Variants in TBC1D21 observed in about 807,000 individuals in gnomAD.
The protein encoded by TBC1D21 is male germ cell Rab GTPase-activating protein.
Under a neutral mutation model 46.0 loss-of-function variants are expected in TBC1D21, and 38 were observed. That is an observed-to-expected ratio of 0.83 (90% CI 0.64 to 1.08). The LOEUF (loss-of-function observed/expected upper bound fraction) is 1.08, where lower values mean the gene tolerates loss of function less well. Among genes scored for constraint, TBC1D21 ranks in the 50% least tolerant of loss-of-function variants. TBC1D21 has a pLI of 0.00. For missense variants in TBC1D21, 415 were observed against 417.9 expected (o/e 0.99, Z 0.06); for synonymous variants, 151 against 157.2 (o/e 0.96, Z 0.29).
downstream of TBC1D21, among the ~76,000 whole-genome samples, chr15:73,891,539 G>C (rs1056200098): frequency 1.3e-5 from 2 of 152,280 alleles, no homozygotes; most frequent in East Asian, 3.9e-4. Flanking sequence ...CACCCTCCCT[G>C]GCACAGCTGC....
chr15:73,884,901 A>T lies in TBC1D21; in HGVS notation c.478+10A>T. 2 of 1,613,358 alleles carry T rather than the reference A, an allele frequency of 1.2e-6. No individual in the cohort carries two copies. The highest frequency in any genetic ancestry group is 1.7e-5 in the Admixed American group (1 of 59,994). ...TGCAACACGCAGGCAGGTGAGCCTCAGCCTCCCCTTGTCAATGCCCTCCCA... is the reference window on the plus strand; with the variant it reads ...TGCAACACGCAGGCAGGTGAGCCTCTGCCTCCCCTTGTCAATGCCCTCCCA... On this transcript the variant is annotated intron_variant, in intron 5 of 10. Transcript: ENST00000300504.
At chr15:73,907,157 TC>T in the TBC1D21 span, among the ~76,000 whole-genome samples, 1 of 151,550 alleles carries the variant, frequency 6.6e-6, no homozygotes, top group Non-Finnish European at 1.5e-5. Flanking sequence ...CCTCTTTTTT[TC>T]CCCCAGTCTG....
the TBC1D21 span, among the ~76,000 whole-genome samples, chr15:73,905,085 G>A: frequency 3.3e-5 from 5 of 152,202 alleles, no homozygotes; most frequent in East Asian, 1.9e-4. Context: ...TGGGGCCCAC[G>A]GTGCATGAGG....
chr15:73,903,152 G>GA, the TBC1D21 span, among the ~76,000 whole-genome samples: 2 of 152,174 alleles, frequency 1.3e-5, no homozygotes, highest in Non-Finnish European at 2.9e-5. Flanking sequence ...CTGCCCTCCT[G>GA]AAAATCACAA....
the TBC1D21 span, among the ~76,000 whole-genome samples, chr15:73,903,996 TGA>T: frequency 6.6e-6 from 1 of 152,144 alleles, no homozygotes; most frequent in Non-Finnish European, 1.5e-5. Context: ...TGCAGTGAGC[TGA>T]GATCACGCCA....
At position 73,881,696 on chromosome 15, in the gene TBC1D21, TCTC is replaced by T; in HGVS notation, c.222_224del (p.Phe74_Ser75delinsLeu). The T allele has an allele frequency of 1.2e-6, 2 of 1,613,578 alleles. No homozygotes were observed. The highest frequency in any genetic ancestry group is 1.7e-6 in the Non-Finnish European group (2 of 1,179,842). ...GCCTGGAAATTCCTCACGGGCTACTTCTCATGGCAGAGTTCCCAGGATGAGCGG... is the reference window on the plus strand; with the variant it reads ...GCCTGGAAATTCCTCACGGGCTACTTATGGCAGAGTTCCCAGGATGAGCGG... On this transcript the variant is annotated inframe_deletion, in exon 3 of 11. Coordinates refer to ENST00000300504, the MANE Select transcript of TBC1D21 (RefSeq NM_153356.3).
chr15:73,876,397 T>G (rs1325048951), intron 1 of TBC1D21, among the ~76,000 whole-genome samples: 3 of 82,946 alleles, frequency 3.6e-5, no homozygotes, highest in Non-Finnish European at 8.9e-5. Context: ...CCGGGTAATT[T>G]TTGTTTTTTT....
In TBC1D21 at chr15:73,884,978, CTCCCCA is replaced by C; in HGVS notation, c.479-24_479-19del. On this transcript the variant is annotated intron_variant, in intron 5 of 10. Coordinates refer to ENST00000300504, the MANE Select transcript of TBC1D21 (RefSeq NM_153356.3). ...TCCAGGCTCTCCCACCCAGCCCCTC[CTCCCCA>C]ACCCCCTCTTCGCCACAGAGTACCA... 8 of 1,597,070 alleles carry C rather than the reference CTCCCCA, an allele frequency of 5.0e-6. No individual in the cohort carries two copies. The highest frequency in any genetic ancestry group is 1.3e-5 in the African/African-American group (1 of 74,652).
chr15:73,895,105 A>G, the TBC1D21 span, among the ~76,000 whole-genome samples: 4 of 152,266 alleles, frequency 2.6e-5, no homozygotes, highest in Non-Finnish European at 5.9e-5. Flanking sequence ...AAACCAGCAT[A>G]TCTAGGGGTG....
At position 73,889,197 on chromosome 15, in the gene TBC1D21, A is replaced by G. The variant is rs13638; in HGVS notation, c.*96A>G. 196,377 of 1,342,006 alleles carry G rather than the reference A, an allele frequency of 0.15. 15,658 individuals are homozygous for G. The highest frequency in any genetic ancestry group is 0.2 in the South Asian group (16,496 of 80,654). 83.1% of individuals were successfully genotyped at this position (1,342,006 alleles called of 1,614,324 possible). A position where few individuals can be genotyped will look rare whatever the true frequency, so the allele number is the denominator to read the frequency against. ...GAGTAGATAAAACAGCTGCAATATA[A>G]ACAGTCCTCTGGAATAATGGTTTGT... On this transcript the variant is annotated 3_prime_UTR_variant, in exon 11 of 11. Coordinates refer to ENST00000300504, the MANE Select transcript of TBC1D21 (RefSeq NM_153356.3).
intron 8 of TBC1D21, among the ~76,000 whole-genome samples, chr15:73,887,038 G>A (rs1414336886): frequency 6.6e-6 from 1 of 152,092 alleles, no homozygotes; most frequent in Non-Finnish European, 1.5e-5. Context: ...GACACCTGTA[G>A]TCCTGTGACC....
Position 73,881,739 on chromosome 15 carries a change from C to G in TBC1D21, c.264C>G (p.Ser88Arg). The change falls in exon 3 of 11, where the codon AGC becomes AGG. Residue 88 changes from serine (S) to arginine (R), a missense_variant. Transcript: ENST00000300504. ...SSQDERLTVD[S>R]MRRKNYKALC... ...AGGATGAGCGGCTCACGGTGGACAG[C>G]ATGAGGAGGTAGAACACTCCAGACC... 1 of 1,613,672 alleles carries G rather than the reference C, an allele frequency of 6.2e-7. No homozygotes were observed. The highest frequency in any genetic ancestry group is 8.5e-7 in the Non-Finnish European group (1 of 1,179,896).
downstream of TBC1D21, among the ~76,000 whole-genome samples, chr15:73,890,572 G>C (rs2068328665): frequency 2.6e-5 from 4 of 152,246 alleles, no homozygotes; most frequent in Admixed American, 2.6e-4. Flanking sequence ...AAGAGTAAAA[G>C]ACATCTTGCT....
At chr15:73,898,966 T>C in the TBC1D21 span, among the ~76,000 whole-genome samples, 1 of 147,900 alleles carries the variant, frequency 6.8e-6, no homozygotes, top group Admixed American at 6.8e-5. Flanking sequence ...TATAAAATAA[T>C]TAATAAAAAT....
At position 73,887,594 on chromosome 15, in the gene TBC1D21, C is replaced by G. The variant is rs200325295; in HGVS notation, c.778-26C>G. 1.9e-4 allele frequency: 309 copies of G among 1,603,488 alleles called. 1 individual carries two copies. The highest frequency in any genetic ancestry group is 3.3e-5 in the Admixed American group (2 of 59,954). On this transcript the variant is annotated intron_variant, in intron 8 of 10. Coordinates refer to ENST00000300504, the MANE Select transcript of TBC1D21 (RefSeq NM_153356.3). ...CATCTGCAGTCTCAGACCACAGGGCCCAGACTGAGACGTCCTGACCCACAG... is the reference window on the plus strand; with the variant it reads ...CATCTGCAGTCTCAGACCACAGGGCGCAGACTGAGACGTCCTGACCCACAG...
Position 73,889,131 on chromosome 15 carries a change from C to G in TBC1D21, c.*30C>G. The G allele has an allele frequency of 6.2e-7, 1 of 1,609,292 alleles. No individual in the cohort carries two copies. The highest frequency in any genetic ancestry group is 8.5e-7 in the Non-Finnish European group (1 of 1,177,578). On this transcript the variant is annotated 3_prime_UTR_variant, in exon 11 of 11. Coordinates refer to ENST00000300504, the MANE Select transcript of TBC1D21 (RefSeq NM_153356.3). Reference sequence around the variant, plus strand: ...ACCAAAGCCCGCAGTGGACTGATGCCTTCGATGGGCAGGATGAAGGCCAGG... The same window carrying G: ...ACCAAAGCCCGCAGTGGACTGATGCGTTCGATGGGCAGGATGAAGGCCAGG...
Position 73,887,685 on chromosome 15 carries a change from G to C in TBC1D21, c.843G>C (p.Met281Ile). The C allele has an allele frequency of 6.2e-7, 1 of 1,614,052 alleles. No individual in the cohort carries two copies. Among genetic ancestry groups the C allele is most frequent in the East Asian group, 2.2e-5 (1 of 44,880 alleles). ...TGGTGGCCTACAGCATGCTGCAGAT[G>C]GTGCGGGAGCAGGTGCTGCAGGAAA... is the stretch of plus-strand genomic sequence containing the variant. ...QVLVAYSMLQ[M>I]VREQVLQESM... Residue 281 changes from methionine to isoleucine, a missense_variant, in exon 9 of 11, where the codon ATG (methionine) becomes ATC (isoleucine). Transcript: ENST00000300504.
At chr15:73,899,621 C>A in the TBC1D21 span, among the ~76,000 whole-genome samples, 1 of 152,028 alleles carries the variant, frequency 6.6e-6, no homozygotes, top group Non-Finnish European at 1.5e-5. Context: ...TGACAGGGAG[C>A]CCAGGCGGAA....
the TBC1D21 span, among the ~76,000 whole-genome samples, chr15:73,898,849 G>A: frequency 0.025 from 1,557 of 62,258 alleles, 18 homozygotes; most frequent in Non-Finnish European, 0.036. Flanking sequence ...GGGTGACAGA[G>A]TGAGACTCCA....
Sources: allele counts gnomAD v4.1 joint callset (sites outside exome capture counted in the v4.1 genomes callset), GRCh38; gene constraint gnomAD v4.1.1; transcripts MANE v1.5; gene names NCBI Gene and HGNC (gene_info 2026-07-23, HGNC 2026-07-21).